PRDM5: variants seen among roughly 807,000 people sequenced by gnomAD.
PRDM5 encodes the protein PR/SET domain 5, also known as PR domain zinc finger protein 5.
Under a neutral mutation model 81.2 loss-of-function variants are expected in PRDM5, and 56 were observed. The observed-to-expected ratio is 0.69, with a 90% CI of 0.56 to 0.86. PRDM5 has a LOEUF of 0.86. Among genes scored for constraint, PRDM5 ranks in the 40% least tolerant of loss-of-function variants. PRDM5 has a pLI of 0.00. For missense variants in PRDM5, 697 were observed against 770.1 expected, an observed-to-expected ratio of 0.91 and a Z score of 1.12; for synonymous variants, 267 against 256.4, an observed-to-expected ratio of 1.04 and a Z score of -0.39.
Position 120,777,208 on chromosome 4 carries a change from ACT to A in PRDM5, c.1515_1516del (p.Arg505SerfsTer9). 1 of 1,613,364 alleles carries A rather than the reference ACT, an allele frequency of 6.2e-7. No individual in the cohort carries two copies. Among genetic ancestry groups the A allele is most frequent in the South Asian group, 1.1e-5 (1 of 91,078 alleles). ...CATACCTGTGTGGCTCCGGATATGA[ACT>A]CTGAGTGTACCACTGCTGGCAAATT... On this transcript the variant is annotated frameshift_variant, in exon 13 of 16. Transcript: ENST00000264808. LOFTEE classifies it high-confidence loss of function.
chr4:120,702,407 C>T lies in PRDM5; in HGVS notation c.1729-7132G>A, dbSNP rs148620880. ...CTCCTACTCATCCTTAGGAAGCCCA[C>T]GTGACACATCTGCCAGGTGATGGTT... is the stretch of plus-strand genomic sequence containing the variant. On this transcript the variant is annotated intron_variant, in intron 15 of 15. Coordinates refer to ENST00000264808, the MANE Select transcript of PRDM5 (RefSeq NM_018699.4). Among the ~76,000 whole-genome samples, 6 of 152,192 alleles carry T rather than the reference C, an allele frequency of 3.9e-5. No individual in the cohort carries two copies. In the East Asian group the frequency reaches 7.7e-4, roughly 20 times the overall value.
At chr4:120,749,785 C>T (rs1175787664) in intron 14 of PRDM5, among the ~76,000 whole-genome samples, 1 of 152,206 alleles carries the variant, frequency 6.6e-6, no homozygotes, top group East Asian at 1.9e-4. Context: ...GTATCCTGCA[C>T]TGACACCAAG....
chr4:120,871,586 T>C (rs1761794596), intron 2 of PRDM5, among the ~76,000 whole-genome samples: 1 of 152,182 alleles, frequency 6.6e-6, no homozygotes, highest in Admixed American at 6.5e-5. Flanking sequence ...TAAAATCAAG[T>C]AAGATATTTG....
intron 8 of PRDM5, among the ~76,000 whole-genome samples, chr4:120,802,867 G>A (rs1752341022): frequency 6.6e-6 from 1 of 152,218 alleles, no homozygotes; most frequent in Non-Finnish European, 1.5e-5. Flanking sequence ...GAATGACTTT[G>A]ACGAGTTGAG....
At chr4:120,751,126 C>T (rs1020514362) in intron 14 of PRDM5, among the ~76,000 whole-genome samples, 2 of 152,094 alleles carry the variant, frequency 1.3e-5, no homozygotes, top group African/African-American at 4.8e-5. Flanking sequence ...TCACTGCAGC[C>T]TTGAACTCCT....
intron 2 of PRDM5, among the ~76,000 whole-genome samples, chr4:120,863,510 T>C (rs530836308): frequency 6.6e-6 from 1 of 152,022 alleles, no homozygotes; most frequent in East Asian, 1.9e-4. Flanking sequence ...AATTTGCAAA[T>C]AGGAGAGGCA....
chr4:120,685,351 T>C (rs756185778), intron 1 of PRDM5, among the ~76,000 whole-genome samples: 35 of 152,156 alleles, frequency 2.3e-4, no homozygotes, highest in Non-Finnish European at 4.0e-4. Context: ...TAGGTACTGA[T>C]AAAATATCTT....
At position 120,692,524 on chromosome 4, in the gene PRDM5, A is replaced by C. The variant is rs1734127944; in HGVS notation, c.*2587T>G. 6.6e-6 allele frequency: 1 copy of C among 152,180 alleles called. No individual in the cohort carries two copies. The highest frequency in any genetic ancestry group is 1.5e-5 in the Non-Finnish European group (1 of 68,034). 9.4% of individuals were successfully genotyped at this position (152,180 alleles called of 1,614,324 possible). ...AACAACACACCATGAAAAGGAAAAC[A>C]AAAGCCAGTTATTGTGAAACAAAGG... On this transcript the variant is annotated 3_prime_UTR_variant, in exon 16 of 16. Coordinates refer to ENST00000264808, the MANE Select transcript of PRDM5 (RefSeq NM_018699.4).
At chr4:120,893,290 T>A (rs2148631848) in intron 2 of PRDM5, among the ~76,000 whole-genome samples, 1 of 152,340 alleles carries the variant, frequency 6.6e-6, no homozygotes, top group East Asian at 1.9e-4. Flanking sequence ...CTAGACAGAC[T>A]GGTGTCCAGC....
At chr4:120,855,493 C>T (rs1316834110) in intron 2 of PRDM5, among the ~76,000 whole-genome samples, 1 of 152,186 alleles carries the variant, frequency 6.6e-6, no homozygotes, top group Non-Finnish European at 1.5e-5. Flanking sequence ...CGACTCAGAA[C>T]ACTCACTGCC....
downstream of PRDM5, among the ~76,000 whole-genome samples, chr4:120,690,463 C>T (rs112175469): frequency 8.0e-3 from 1,204 of 151,358 alleles, 13 homozygotes; most frequent in African/African-American, 0.027. Context: ...TGCTGTCAGA[C>T]AGGATAAAAA....
chr4:120,889,900 C>A (rs913123565), intron 2 of PRDM5, among the ~76,000 whole-genome samples: 1 of 152,152 alleles, frequency 6.6e-6, no homozygotes, highest in Non-Finnish European at 1.5e-5. Context: ...TTTTTTATGG[C>A]TGCATAGTAT....
At chr4:120,697,967 A>AT (rs201454514) in intron 15 of PRDM5, among the ~76,000 whole-genome samples, 198 of 104,528 alleles carry the variant, frequency 1.9e-3, no homozygotes, top group African/African-American at 4.9e-3. Flanking sequence ...ATAAAATAAA[A>AT]AAAAAGAAAA....
intron 2 of PRDM5, among the ~76,000 whole-genome samples, chr4:120,869,367 G>A (rs974602949): frequency 3.3e-5 from 5 of 152,184 alleles, no homozygotes; most frequent in African/African-American, 1.2e-4. Context: ...ATTGTGCAAT[G>A]TAGTTACATT....
intron 2 of PRDM5, among the ~76,000 whole-genome samples, chr4:120,890,531 G>A (rs1763930172): frequency 6.6e-6 from 1 of 152,162 alleles, no homozygotes; most frequent in South Asian, 2.1e-4. Flanking sequence ...TTAGTTCATT[G>A]AGAAATCACC....
intron 8 of PRDM5, among the ~76,000 whole-genome samples, chr4:120,802,820 G>A (rs1300684473): frequency 9.2e-5 from 14 of 152,200 alleles, no homozygotes; most frequent in South Asian, 4.1e-4. Flanking sequence ...CCAAAGGAAC[G>A]CAGCTCCTTG....
At chr4:120,689,537 C>T (rs1411233286), downstream of PRDM5, among the ~76,000 whole-genome samples, 1 of 151,548 alleles carries the variant, frequency 6.6e-6, no homozygotes, top group East Asian at 1.9e-4. Context: ...TCCTACATTT[C>T]AGTAATAAAA....
chr4:120,849,304 A>C (rs1758995415), intron 3 of PRDM5, among the ~76,000 whole-genome samples: 1 of 152,192 alleles, frequency 6.6e-6, no homozygotes, highest in Admixed American at 6.6e-5. Context: ...TCGCCAGAGA[A>C]GACCCCAGGA....
intron 3 of PRDM5, among the ~76,000 whole-genome samples, chr4:120,829,221 T>A (rs1213779471): frequency 6.6e-6 from 1 of 152,080 alleles, no homozygotes; most frequent in Non-Finnish European, 1.5e-5. Context: ...TTTGATAAGA[T>A]TTTATCAATG....
Sources: gnomAD v4.1 joint callset for allele counts (sites outside exome capture counted in the v4.1 genomes callset) on GRCh38, gnomAD v4.1.1 for gene constraint, MANE v1.5 for transcripts, NCBI Gene and HGNC (gene_info 2026-07-23, HGNC 2026-07-21) for gene names.